Variants in RERE observed in about 807,000 individuals in gnomAD.
RERE encodes arginine-glutamic acid dipeptide repeats, also known as arginine-glutamic acid dipeptide repeats protein.
In RERE, 40 loss-of-function variants were observed where a neutral mutation model predicts 146.1. The ratio of observed to expected loss-of-function variants is 0.27; its 90% CI spans 0.21 to 0.36. RERE has a LOEUF of 0.36. Ranked by LOEUF, RERE falls within the 10% of genes least tolerant of loss-of-function variation. RERE has a pLI of 1.00. For synonymous variants in RERE, 1,003 were observed against 866.0 expected, an observed-to-expected ratio of 1.16 and a Z score of -2.78; for missense variants, 1,933 against 2,138.7, an observed-to-expected ratio of 0.90 and a Z score of 1.90.
At chr1:8,405,905 G>A (rs1448621165) in intron 12 of RERE, among the ~76,000 whole-genome samples, 1 of 152,112 alleles carries the variant, frequency 6.6e-6, no homozygotes, top group Non-Finnish European at 1.5e-5. Flanking sequence ...AAAGTGCTGG[G>A]ATTACAGGTG....
Position 8,360,243 on chromosome 1 carries a change from G to A in RERE, c.3264C>T (p.Leu1088=). ...CCTCCTCCTTGATCTGGACGGTGGGGAGTGGGCAGGACGACCCCCCCGCTA... is the reference window on the plus strand; with the variant it reads ...CCTCCTCCTTGATCTGGACGGTGGGAAGTGGGCAGGACGACCCCCCCGCTA... ...GSIAGGSSCP[L]PTVQIKEEAL... Residue 1088 remains leucine, a synonymous_variant, in exon 18 of 23, where the codon CTC becomes CTT. Coordinates refer to ENST00000400908, the MANE Select transcript of RERE (RefSeq NM_001042681.2). The A allele has an allele frequency of 1.9e-6, 3 of 1,580,944 alleles. No homozygotes were observed. The highest frequency in any genetic ancestry group is 1.7e-6 in the Non-Finnish European group (2 of 1,164,598).
chr1:8,724,427 G>A (rs1639919225), intron 1 of RERE, among the ~76,000 whole-genome samples: 2 of 152,136 alleles, frequency 1.3e-5, no homozygotes, highest in South Asian at 4.1e-4. Context: ...TCTGTCACTT[G>A]CCAGAATAAA....
chr1:8,601,947 C>T (rs776010233), intron 4 of RERE, among the ~76,000 whole-genome samples: 1 of 107,742 alleles, frequency 9.3e-6, no homozygotes, highest in African/African-American at 2.7e-5. Context: ...ACTTCACTGT[C>T]TGTAGGCTGC....
chr1:8,508,397 T>C (rs1645285728), intron 8 of RERE, among the ~76,000 whole-genome samples: 1 of 152,196 alleles, frequency 6.6e-6, no homozygotes, highest in East Asian at 1.9e-4. Context: ...TAGATGACGG[T>C]GATGGCTATA....
In RERE at chr1:8,359,788, CCGCTCT is replaced by C. The variant is rs769497707; in HGVS notation, c.3588_3593del (p.Arg1200_Glu1201del). 114 of 1,601,270 alleles carry C rather than the reference CCGCTCT, an allele frequency of 7.1e-5. No individual in the cohort carries two copies. Among genetic ancestry groups the C allele is most frequent in the Admixed American group, 1.0e-4 (6 of 59,770 alleles). On this transcript the variant is annotated inframe_deletion, in exon 19 of 23. Transcript: ENST00000400908. ...CAGCCGCCCGCTCTGCCTCGCGCTC[CCGCTCT>C]CGCTCCCGCTCCCGCTCCTTCTCCT...
chr1:8,545,651 TTAA>T lies in RERE; in HGVS notation c.726-4336_726-4334del, dbSNP rs952429448. Among the ~76,000 whole-genome samples, 28 of 151,182 alleles carry T rather than the reference TTAA, an allele frequency of 1.9e-4. 1 individual carries two copies. Among genetic ancestry groups the T allele is most frequent in the African/African-American group, 6.3e-4 (26 of 41,318 alleles). On this transcript the variant is annotated intron_variant, in intron 6 of 22. Coordinates refer to ENST00000400908, the MANE Select transcript of RERE (RefSeq NM_001042681.2). ...ATGGAGTCTTAAGAATAAAAAATTA[TTAA>T]TAATAAAAAATAAATTATTAATAAA...
At chr1:8,580,379 T>C (rs973825704) in intron 4 of RERE, among the ~76,000 whole-genome samples, 2 of 152,136 alleles carry the variant, frequency 1.3e-5, no homozygotes, top group African/African-American at 2.4e-5. Context: ...GCTAGACGAG[T>C]GAAAGCAAAT....
At chr1:8,717,343 C>T (rs974500430) in intron 1 of RERE, among the ~76,000 whole-genome samples, 10 of 152,172 alleles carry the variant, frequency 6.6e-5, no homozygotes, top group African/African-American at 2.2e-4. Context: ...AACACAATAA[C>T]GCCTTGTCAT....
In RERE at chr1:8,364,037, A is replaced by G; in HGVS notation, c.1740+19T>C. On this transcript the variant is annotated intron_variant, in intron 15 of 22. Coordinates refer to ENST00000400908, the MANE Select transcript of RERE (RefSeq NM_001042681.2). This position sits in a 1 kb window ranked among gnomAD's most constrained non-coding sequence, Gnocchi z 5.1. ...AACTGAAGAAGTTGCCAGGAGCCCCATGGCCCCAGGGGACTCACCGAGCCC... is the reference window on the plus strand; with the variant it reads ...AACTGAAGAAGTTGCCAGGAGCCCCGTGGCCCCAGGGGACTCACCGAGCCC... The G allele has an allele frequency of 1.2e-6, 2 of 1,609,518 alleles. No homozygotes were observed. Among genetic ancestry groups the G allele is most frequent in the Non-Finnish European group, 8.5e-7 (1 of 1,176,144 alleles).
chr1:8,701,094 G>A (rs1639435959), intron 1 of RERE, among the ~76,000 whole-genome samples: 1 of 152,138 alleles, frequency 6.6e-6, no homozygotes, highest in African/African-American at 2.4e-5. Context: ...AGCAGCCAAT[G>A]CATTCTGACC....
chr1:8,723,271 C>A (rs754891278), intron 1 of RERE, among the ~76,000 whole-genome samples: 4 of 152,180 alleles, frequency 2.6e-5, no homozygotes, highest in Non-Finnish European at 5.9e-5. Flanking sequence ...ATAAACAATT[C>A]AGTCTGAAAG....
intron 12 of RERE, among the ~76,000 whole-genome samples, chr1:8,400,222 A>ATGTG (rs1553161719): frequency 2.1e-3 from 294 of 140,150 alleles, no homozygotes; most frequent in African/African-American, 5.5e-3. Flanking sequence ...CCTGTGTCAT[A>ATGTG]TGTGTGTGTG....
chr1:8,362,902 C>G (rs187272946), intron 15 of RERE, 58 bp from the exon 16 acceptor site: 1 of 1,561,942 alleles, frequency 6.4e-7, no homozygotes, highest in East Asian at 2.2e-5. Context: ...TGTGGACCCA[C>G]CTGAGCCCAA....
chr1:8,510,486 A>T (rs886463326), intron 7 of RERE, among the ~76,000 whole-genome samples: 2 of 152,186 alleles, frequency 1.3e-5, no homozygotes, highest in Non-Finnish European at 2.9e-5. Context: ...AACGAAGCTA[A>T]AAGATGGATT....
At chr1:8,756,379 GAT>G (rs1319172349) in intron 1 of RERE, among the ~76,000 whole-genome samples, 4 of 151,978 alleles carry the variant, frequency 2.6e-5, no homozygotes, top group Non-Finnish European at 5.9e-5. Context: ...ATTCAGTGAA[GAT>G]AATTATTAAT....
At chr1:8,421,922 T>A (rs1355309719) in intron 12 of RERE, among the ~76,000 whole-genome samples, 1 of 151,974 alleles carries the variant, frequency 6.6e-6, no homozygotes, top group East Asian at 1.9e-4. Context: ...TCCAACTCCA[T>A]CCCATCTGCC....
At position 8,574,340 on chromosome 1, in the gene RERE, C is replaced by CTTTT. The variant is rs35921166; in HGVS notation, c.523-16821_523-16818dup. Among the ~76,000 whole-genome samples, 166 of 87,224 alleles carry CTTTT rather than the reference C, an allele frequency of 1.9e-3. 4 individuals carry two copies. Among genetic ancestry groups the CTTTT allele is most frequent in the Middle Eastern group, 8.2e-3 (1 of 122 alleles). 57.2% of individuals were successfully genotyped at this position (87,224 alleles called of 152,430 possible). The stretch of plus-strand genomic sequence containing the variant: ...GTTAAGACTATGATCTATATATAGT[C>CTTTT]TTTTTTTTTTTTTTTTTTTTTTGAG... On this transcript the variant is annotated intron_variant, in intron 4 of 22. Coordinates refer to ENST00000400908, the MANE Select transcript of RERE (RefSeq NM_001042681.2).
At chr1:8,759,044 A>T (rs977108755) in intron 1 of RERE, among the ~76,000 whole-genome samples, 2 of 152,176 alleles carry the variant, frequency 1.3e-5, no homozygotes, top group African/African-American at 4.8e-5. Context: ...CAGATGCTGA[A>T]GCCGGAGGAT....
At chr1:8,657,761 C>T (rs781378191) in intron 1 of RERE, among the ~76,000 whole-genome samples, 25 of 152,210 alleles carry the variant, frequency 1.6e-4, no homozygotes, top group Admixed American at 4.6e-4. Context: ...GCAGGAGAAT[C>T]GCTTGAACCT....
Sources: allele counts gnomAD v4.1 joint callset (sites outside exome capture counted in the v4.1 genomes callset), GRCh38; gene constraint gnomAD v4.1.1; non-coding constraint Gnocchi (gnomAD v3.1); transcripts MANE v1.5; gene names NCBI Gene and HGNC (gene_info 2026-07-23, HGNC 2026-07-21).